LANCL2: variants seen among roughly 807,000 people sequenced by gnomAD.
LANCL2 encodes LanC like glutathione S-transferase 2.
A neutral mutation model predicts 56.9 loss-of-function variants in LANCL2; 33 were observed. That is an observed-to-expected ratio of 0.58 (90% confidence interval 0.44 to 0.78). The LOEUF (loss-of-function observed/expected upper bound fraction) is 0.78, where lower values mean the gene tolerates loss of function less well. Ranked by LOEUF, LANCL2 falls within the 30% of genes least tolerant of loss-of-function variation. The pLI, the probability that LANCL2 is intolerant of heterozygous loss-of-function variation, is 0.00. For synonymous variants in LANCL2, 233 were observed against 228.2 expected (o/e 1.02, Z -0.19); for missense variants, 562 against 580.2 (o/e 0.97, Z 0.32).
chr7:55,403,421 G>C (rs1344387517), intron 5 of LANCL2, among the ~76,000 whole-genome samples: 55 of 150,364 alleles, frequency 3.7e-4, no homozygotes, highest in African/African-American at 1.0e-3. Flanking sequence ...TCGGCATCAG[G>C]GGGAGACCGT....
intron 1 of LANCL2, among the ~76,000 whole-genome samples, chr7:55,380,388 A>C (rs12216646): frequency 0.3 from 45,430 of 151,198 alleles, 7,249 homozygotes; most frequent in Non-Finnish European, 0.35. Flanking sequence ...GCTGGAGTGC[A>C]ACAAAAGAAG....
chr7:55,425,567 A>G, intron 7 of LANCL2, 137 bp downstream of exon 7: 2 of 773,398 alleles, frequency 2.6e-6, no homozygotes, highest in Non-Finnish European at 4.1e-6. Context: ...CTTCTGGCAC[A>G]GCCTTATCTG....
intron 5 of LANCL2, among the ~76,000 whole-genome samples, chr7:55,409,028 A>G (rs1257998537): frequency 6.6e-6 from 1 of 152,096 alleles, no homozygotes; most frequent in African/African-American, 2.4e-5. Context: ...ACAAAGTCCA[A>G]AAATGACATT....
chr7:55,421,270 CT>C lies in LANCL2; in HGVS notation c.1009-3972del, dbSNP rs34722633. On this transcript the variant is annotated intron_variant, in intron 6 of 8. Coordinates refer to ENST00000254770, the MANE Select transcript of LANCL2 (RefSeq NM_018697.4). ...CCTCCCTCTACTTTTTCTTTCCTGCCTTTTTTTTTTTTAGGGAGGTAGAGAG... is the reference window on the plus strand; with the variant it reads ...CCTCCCTCTACTTTTTCTTTCCTGCCTTTTTTTTTTTAGGGAGGTAGAGAG... Among the ~76,000 whole-genome samples, 499 of 130,154 alleles carry C rather than the reference CT, an allele frequency of 3.8e-3. 2 individuals are homozygous for C. The highest frequency in any genetic ancestry group is 0.012 in the African/African-American group (407 of 34,630). 85.4% of individuals were successfully genotyped at this position (130,154 alleles called of 152,430 possible).
At chr7:55,374,875 C>T (rs1789983532) in intron 1 of LANCL2, among the ~76,000 whole-genome samples, 2 of 152,146 alleles carry the variant, frequency 1.3e-5, no homozygotes, top group South Asian at 4.1e-4. Context: ...CTATTTTTAT[C>T]ATCTTTAAAA....
chr7:55,402,563 C>A (rs1429182858), intron 5 of LANCL2, among the ~76,000 whole-genome samples: 3 of 126,146 alleles, frequency 2.4e-5, no homozygotes, highest in African/African-American at 6.2e-5. Flanking sequence ...CTGACCCCCC[C>A]ACATCCTTCC....
At chr7:55,371,935 G>A (rs188244457) in intron 1 of LANCL2, among the ~76,000 whole-genome samples, 1 of 152,068 alleles carries the variant, frequency 6.6e-6, no homozygotes, top group African/African-American at 2.4e-5. Context: ...GTGTCAGGTG[G>A]AAGGTGGGGT....
rs996048972 is a variant in LANCL2, at chr7:55,433,221, G to C, written c.*1901G>C. ...AGCCACAAAGGTGGCCTAGGATGCG[G>C]GTGTCTCCCCAGGTGAGTCCATCCA... On this transcript the variant is annotated 3_prime_UTR_variant, in exon 9 of 9. Coordinates refer to ENST00000254770, the MANE Select transcript of LANCL2 (RefSeq NM_018697.4). 14 of 152,314 alleles carry C rather than the reference G, an allele frequency of 9.2e-5. No homozygotes were observed. Among genetic ancestry groups the C allele is most frequent in the African/African-American group, 2.9e-4 (12 of 41,450 alleles). 9.4% of individuals were successfully genotyped at this position (152,314 alleles called of 1,614,324 possible). A position where few individuals can be genotyped will look rare whatever the true frequency, so the allele number is the denominator to read the frequency against.
At chr7:55,402,671 C>T (rs1293738020) in intron 5 of LANCL2, among the ~76,000 whole-genome samples, 4 of 123,302 alleles carry the variant, frequency 3.2e-5, no homozygotes, top group African/African-American at 9.5e-5. Flanking sequence ...ACCTCCCTTC[C>T]GGACGGGGCG....
chr7:55,414,137 T>A (rs141671647), intron 6 of LANCL2, among the ~76,000 whole-genome samples: 6 of 152,330 alleles, frequency 3.9e-5, no homozygotes, highest in African/African-American at 1.4e-4. Context: ...AAAATACATC[T>A]TCTTCATAGT....
chr7:55,373,160 A>G (rs1789963795), intron 1 of LANCL2, among the ~76,000 whole-genome samples: 1 of 152,192 alleles, frequency 6.6e-6, no homozygotes, highest in South Asian at 2.1e-4. Flanking sequence ...ATTCATGATT[A>G]CCAAGGGCTT....
intron 1 of LANCL2, among the ~76,000 whole-genome samples, chr7:55,368,878 C>T (rs1000934402): frequency 6.6e-6 from 1 of 152,166 alleles, no homozygotes; most frequent in African/African-American, 2.4e-5. Context: ...GGTATGATGG[C>T]TCATGCCTGT....
At chr7:55,383,029 G>A (rs1420791079) in intron 1 of LANCL2, among the ~76,000 whole-genome samples, 1 of 152,172 alleles carries the variant, frequency 6.6e-6, no homozygotes, top group African/African-American at 2.4e-5. Context: ...GGCCAAGGTG[G>A]GTGGATCACT....
intron 5 of LANCL2, among the ~76,000 whole-genome samples, chr7:55,402,153 G>A (rs1326007594): frequency 6.7e-5 from 10 of 148,760 alleles, no homozygotes; most frequent in East Asian, 2.0e-4. Context: ...CGGACGGGGC[G>A]GCTGGCCGGG....
rs58005456 is a variant in LANCL2, at chr7:55,401,515, C to CTT, written c.825+220_825+221dup. Among the ~76,000 whole-genome samples, 99 of 58,046 alleles carry CTT rather than the reference C, an allele frequency of 1.7e-3. 2 individuals carry two copies. The highest frequency in any genetic ancestry group is 6.8e-3 in the African/African-American group (95 of 14,002). The allele number at this position is 58,046 out of a possible 152,430, so 38.1% of individuals were successfully genotyped here. ...TTCCTGAGTACATTTGGTATGGAGT[C>CTT]TTTTTTTTTTTTTTTTTTTTTTTTT... On this transcript the variant is annotated intron_variant, in intron 5 of 8. Coordinates refer to ENST00000254770, the MANE Select transcript of LANCL2 (RefSeq NM_018697.4).
chr7:55,381,526 T>A (rs1790068632), intron 1 of LANCL2, among the ~76,000 whole-genome samples: 1 of 152,148 alleles, frequency 6.6e-6, no homozygotes, highest in Admixed American at 6.5e-5. Flanking sequence ...GAATTTGCAA[T>A]TCAATACAAG....
intron 1 of LANCL2, among the ~76,000 whole-genome samples, chr7:55,378,899 G>A (rs576418390): frequency 1.3e-5 from 2 of 152,332 alleles, no homozygotes; most frequent in East Asian, 1.9e-4. Context: ...TTGGGAGGCC[G>A]AGGCAGGCGG....
chr7:55,366,413 C>T (rs562011202), intron 1 of LANCL2, among the ~76,000 whole-genome samples, 184 bp downstream of exon 1: 1 of 152,380 alleles, frequency 6.6e-6, no homozygotes, highest in African/African-American at 2.4e-5. Flanking sequence ...GCTTCAGCTG[C>T]ATGAACCACG....
chr7:55,427,834 C>G (rs1332839204), intron 7 of LANCL2, among the ~76,000 whole-genome samples: 1 of 152,138 alleles, frequency 6.6e-6, no homozygotes, highest in East Asian at 1.9e-4. Context: ...AAGAAAGGGT[C>G]AAGGAGCTCA....
Sources: allele counts gnomAD v4.1 joint callset (sites outside exome capture counted in the v4.1 genomes callset), GRCh38; gene constraint gnomAD v4.1.1; transcripts MANE v1.5; gene names NCBI Gene and HGNC (gene_info 2026-07-23, HGNC 2026-07-21).